Variants in LIPC observed in about 807,000 individuals in gnomAD.
The protein encoded by LIPC is hepatic triacylglycerol lipase.
A neutral mutation model predicts 50.7 loss-of-function variants in LIPC; 44 were observed. That is an observed-to-expected ratio of 0.87 (90% CI 0.68 to 1.11). The LOEUF (loss-of-function observed/expected upper bound fraction) is 1.11, where lower values mean the gene tolerates loss of function less well. Among genes scored for constraint, LIPC ranks in the 50% most tolerant of loss-of-function variants. The pLI is 0.00. For missense variants in LIPC, 697 were observed against 648.2 expected (o/e 1.08, Z -0.82); for synonymous variants, 271 against 256.4 (o/e 1.06, Z -0.54).
chr15:58,438,415 C>A (rs114911452), intron 1 of LIPC, among the ~76,000 whole-genome samples: 2,071 of 152,294 alleles, frequency 0.014, 56 homozygotes, highest in African/African-American at 0.047. Flanking sequence ...AGGACAGTGA[C>A]CAGTTTCGAG....
intron 1 of LIPC, among the ~76,000 whole-genome samples, chr15:58,519,906 C>T (rs1392135826): frequency 6.6e-6 from 1 of 152,118 alleles, no homozygotes; most frequent in Non-Finnish European, 1.5e-5. Context: ...GTGGATTTAT[C>T]CCGTTATCTT....
At chr15:58,507,716 G>A (rs1481774764) in intron 1 of LIPC, among the ~76,000 whole-genome samples, 4 of 152,174 alleles carry the variant, frequency 2.6e-5, no homozygotes, top group Non-Finnish European at 5.9e-5. Flanking sequence ...CTTCCCCTTT[G>A]CCCTCTGAAA....
intron 1 of LIPC, among the ~76,000 whole-genome samples, chr15:58,433,805 C>T (rs1373199426): frequency 2.6e-5 from 4 of 152,198 alleles, no homozygotes; most frequent in African/African-American, 9.6e-5. Context: ...GAAGTGGCCA[C>T]TATTAGCAAG....
intron 1 of LIPC, among the ~76,000 whole-genome samples, chr15:58,518,623 G>C (rs944110726): frequency 6.6e-6 from 1 of 152,216 alleles, no homozygotes; most frequent in Non-Finnish European, 1.5e-5. Flanking sequence ...AATGTGATGA[G>C]AGGCAGAACA....
intron 1 of LIPC, among the ~76,000 whole-genome samples, chr15:58,462,264 T>C (rs1018391331): frequency 6.6e-6 from 1 of 152,166 alleles, no homozygotes; most frequent in Admixed American, 6.6e-5. Context: ...ACATGGCATA[T>C]AGTGGATGCT....
At chr15:58,483,355 C>T (rs1891256177) in intron 1 of LIPC, among the ~76,000 whole-genome samples, 1 of 152,126 alleles carries the variant, frequency 6.6e-6, no homozygotes, top group South Asian at 2.1e-4. Flanking sequence ...TCTAAGGTTC[C>T]TTCTAACTCC....
chr15:58,510,964 TG>T (rs1350206511), intron 1 of LIPC, among the ~76,000 whole-genome samples: 1 of 152,256 alleles, frequency 6.6e-6, no homozygotes, highest in African/African-American at 2.4e-5. Flanking sequence ...TGTCACGTGA[TG>T]ACGTCTCATT....
chr15:58,448,732 A>T (rs1207219365), intron 1 of LIPC, among the ~76,000 whole-genome samples: 1 of 152,254 alleles, frequency 6.6e-6, no homozygotes, highest in Admixed American at 6.5e-5. Context: ...AAAAATGGGA[A>T]AACAGGCTTA....
At chr15:58,509,551 T>G (rs1892268967) in intron 1 of LIPC, among the ~76,000 whole-genome samples, 1 of 152,188 alleles carries the variant, frequency 6.6e-6, no homozygotes, top group East Asian at 1.9e-4. Flanking sequence ...AGTAAATAAA[T>G]ATAATTTTCT....
At chr15:58,460,066 C>A (rs575734885) in intron 1 of LIPC, among the ~76,000 whole-genome samples, 1 of 152,214 alleles carries the variant, frequency 6.6e-6, no homozygotes, top group Non-Finnish European at 1.5e-5. Flanking sequence ...TCCAAGCCCA[C>A]GGTGGTTACG....
At chr15:58,493,557 A>T (rs2414585) in intron 1 of LIPC, among the ~76,000 whole-genome samples, 2 of 24,862 alleles carry the variant, frequency 8.0e-5, no homozygotes, top group Non-Finnish European at 2.5e-4. Context: ...AATTTATTAC[A>T]TATAAATAAA....
At chr15:58,508,930 G>A (rs534360941) in intron 1 of LIPC, among the ~76,000 whole-genome samples, 1 of 151,984 alleles carries the variant, frequency 6.6e-6, no homozygotes, top group East Asian at 1.9e-4. Flanking sequence ...TCTCTGTTGA[G>A]TACTACTTGT....
At chr15:58,467,663 G>A (rs1426460024) in intron 1 of LIPC, among the ~76,000 whole-genome samples, 1 of 152,084 alleles carries the variant, frequency 6.6e-6, no homozygotes, top group East Asian at 1.9e-4. Context: ...TATCAGAGTG[G>A]CCCATTCTCA....
intron 1 of LIPC, among the ~76,000 whole-genome samples, chr15:58,471,880 G>A (rs1890820786): frequency 6.6e-6 from 1 of 152,080 alleles, no homozygotes; most frequent in Non-Finnish European, 1.5e-5. Context: ...ATGACCCTTG[G>A]GCTCCCCAGT....
At chr15:58,448,938 C>A (rs555982725) in intron 1 of LIPC, among the ~76,000 whole-genome samples, 2 of 152,290 alleles carry the variant, frequency 1.3e-5, no homozygotes, top group South Asian at 4.1e-4. Flanking sequence ...CTTGTCTACC[C>A]TGAAGGACAA....
Position 58,548,393 on chromosome 15 carries a change from T to G in LIPC, c.872T>G (p.Leu291Arg). ...GTGCACCTTTTCATCGACTCCTTGCTGCACGCCGGCACGCAGAGCATGGCC... is the reference window on the plus strand; with the variant it reads ...GTGCACCTTTTCATCGACTCCTTGCGGCACGCCGGCACGCAGAGCATGGCC... ...RSVHLFIDSL[L>R]HAGTQSMAYP... The change falls in exon 6 of 9, where the codon CTG becomes CGG. Residue 291 changes from leucine to arginine, a missense_variant. By Grantham distance (102) the Leu-to-Arg change is moderately radical (BLOSUM62 -2). Transcript: ENST00000299022. 1 of 1,614,160 alleles carries G rather than the reference T, an allele frequency of 6.2e-7. No homozygotes were observed. The highest frequency in any genetic ancestry group is 8.5e-7 in the Non-Finnish European group (1 of 1,180,022).
chr15:58,457,861 G>A (rs1488870945), intron 1 of LIPC, among the ~76,000 whole-genome samples: 1 of 151,988 alleles, frequency 6.6e-6, no homozygotes, highest in Non-Finnish European at 1.5e-5. Flanking sequence ...CTCTATCCCG[G>A]GCCCATGTCT....
At chr15:58,515,828 T>C (rs1411155981) in intron 1 of LIPC, among the ~76,000 whole-genome samples, 1 of 152,100 alleles carries the variant, frequency 6.6e-6, no homozygotes, top group African/African-American at 2.4e-5. Context: ...GGGATGTCAC[T>C]CACAGAGCTG....
intron 1 of LIPC, among the ~76,000 whole-genome samples, chr15:58,477,236 G>T (rs1388965771): frequency 6.6e-6 from 1 of 152,214 alleles, no homozygotes; most frequent in Non-Finnish European, 1.5e-5. Context: ...CCTTGATTTT[G>T]TCTGCCAAGA....
Sources: allele counts gnomAD v4.1 joint callset (sites outside exome capture counted in the v4.1 genomes callset), GRCh38; gene constraint gnomAD v4.1.1; transcripts MANE v1.5; gene names NCBI Gene and HGNC (gene_info 2026-07-23, HGNC 2026-07-21).